The following SNX9 variants were observed in gnomAD, a reference collection of about 807,000 sequenced individuals.
SNX9 encodes the protein sorting nexin 9.
In SNX9, 44 loss-of-function variants were observed where a neutral mutation model predicts 89.4. The observed-to-expected ratio is 0.49, with a 90% CI of 0.39 to 0.63. The LOEUF is 0.63. Ranked by LOEUF, SNX9 falls within the 30% of genes least tolerant of loss-of-function variation. SNX9 has a pLI of 0.00. For missense variants in SNX9, 578 were observed against 736.1 expected (o/e 0.79, Z 2.49); for synonymous variants, 236 against 247.8 (o/e 0.95, Z 0.45).
intron 4 of SNX9, among the ~76,000 whole-genome samples, chr6:157,878,754 G>C (rs1178644231): frequency 6.6e-6 from 1 of 152,024 alleles, no homozygotes; most frequent in Non-Finnish European, 1.5e-5. Context: ...TGGCCATTAA[G>C]GATATAATTG....
At chr6:157,939,981 G>C (rs954757865) in intron 16 of SNX9, among the ~76,000 whole-genome samples, 1 of 152,026 alleles carries the variant, frequency 6.6e-6, no homozygotes, top group African/African-American at 2.4e-5. Flanking sequence ...GGGGGACAGA[G>C]AAAGAAGGAA....
chr6:157,871,548 G>T (rs1001672040), intron 2 of SNX9, among the ~76,000 whole-genome samples: 1 of 151,976 alleles, frequency 6.6e-6, no homozygotes, highest in East Asian at 1.9e-4. Context: ...GGAGGGGGGA[G>T]GGATAGCATT....
At chr6:157,884,217 C>T (rs1782686056) in intron 4 of SNX9, among the ~76,000 whole-genome samples, 1 of 152,128 alleles carries the variant, frequency 6.6e-6, no homozygotes, top group Non-Finnish European at 1.5e-5. Context: ...GGATATTAAA[C>T]AAATGCTTGA....
chr6:157,888,409 C>A (rs1026092861), intron 4 of SNX9, among the ~76,000 whole-genome samples: 1 of 152,072 alleles, frequency 6.6e-6, no homozygotes, highest in Non-Finnish European at 1.5e-5. Context: ...TGAAGATAAC[C>A]CATTGCTACA....
chr6:157,849,027 A>G (rs1037795648), intron 1 of SNX9, among the ~76,000 whole-genome samples: 78 of 152,184 alleles, frequency 5.1e-4, no homozygotes, highest in African/African-American at 1.8e-3. Flanking sequence ...CAGTAGGATC[A>G]CTTGAGCCCA....
chr6:157,885,773 C>T (rs1049435244), intron 4 of SNX9, among the ~76,000 whole-genome samples: 2 of 152,088 alleles, frequency 1.3e-5, no homozygotes, highest in Admixed American at 6.5e-5. Flanking sequence ...AGTTAGCCTG[C>T]GATTGGGAAC....
intron 1 of SNX9, among the ~76,000 whole-genome samples, chr6:157,859,365 C>G (rs1250991172): frequency 2.0e-5 from 3 of 152,168 alleles, no homozygotes; most frequent in Admixed American, 1.3e-4. Context: ...ATGCCCTGTT[C>G]CATAAGTTAC....
intron 1 of SNX9, among the ~76,000 whole-genome samples, chr6:157,828,187 T>TA (rs1383213786): frequency 6.8e-6 from 1 of 147,522 alleles, no homozygotes; most frequent in Non-Finnish European, 1.5e-5. Context: ...ATAACAGTAG[T>TA]ATTTTCTATG....
chr6:157,887,716 C>G (rs1308342672), intron 4 of SNX9, among the ~76,000 whole-genome samples: 11 of 152,192 alleles, frequency 7.2e-5, no homozygotes. Context: ...GTCCCTGTTA[C>G]TCCATCTTTG....
In SNX9 at chr6:157,909,962, C is replaced by T. The variant is rs1427985519; in HGVS notation, c.886C>T (p.Arg296Cys). The T allele has an allele frequency of 3.1e-6, 5 of 1,614,124 alleles. No individual in the cohort carries two copies. Among genetic ancestry groups the T allele is most frequent in the Admixed American group, 3.3e-5 (2 of 60,024 alleles). ...TAAGCACTTTGACTGGTTATATGAG[C>T]GTCTCCTGGTTAAGTTTGGGTCAGC... ...RYKHFDWLYE[R>C]LLVKFGSAIP... Residue 296 changes from arginine (R) to cysteine (C), a missense_variant, in exon 9 of 18, where the codon CGT (arginine) becomes TGT (cysteine). Transcript: ENST00000392185.
At chr6:157,897,134 G>A (rs767000206) in intron 5 of SNX9, 136 bp downstream of exon 5, 2 of 826,966 alleles carry the variant, frequency 2.4e-6, no homozygotes, top group Non-Finnish European at 3.6e-6. Context: ...TGGGAAGGGA[G>A]GATTGCCCCA....
At chr6:157,840,414 T>TC (rs1454134235) in intron 1 of SNX9, among the ~76,000 whole-genome samples, 1 of 134,798 alleles carries the variant, frequency 7.4e-6, no homozygotes, top group Admixed American at 6.9e-5. Flanking sequence ...ATACTTTCTT[T>TC]CTTTCTTTTC....
intron 1 of SNX9, among the ~76,000 whole-genome samples, chr6:157,851,169 A>G (rs1422208071): frequency 6.6e-6 from 1 of 151,940 alleles, no homozygotes; most frequent in East Asian, 1.9e-4. Flanking sequence ...GAGGCAGGAG[A>G]ATTGCCTGAA....
At chr6:157,904,060 A>G (rs1783160921) in intron 6 of SNX9, among the ~76,000 whole-genome samples, 1 of 152,244 alleles carries the variant, frequency 6.6e-6, no homozygotes, top group African/African-American at 2.4e-5. Context: ...TCCATTTTAT[A>G]TGACAGCTGT....
chr6:157,886,009 C>T (rs116285134), intron 4 of SNX9, among the ~76,000 whole-genome samples: 3,158 of 151,986 alleles, frequency 0.021, 51 homozygotes, highest in African/African-American at 0.033. Flanking sequence ...AGCCCTCCTT[C>T]GAGGCCTGAT....
Position 157,823,406 on chromosome 6 carries a change from G to A in SNX9, c.-29G>A, listed in dbSNP as rs1158846425. ...CATCCGCGGCGCGGGAGACGAGCCG[G>A]CCGTCCCGGGCCGGGGGACCCGCCC... On this transcript the variant is annotated 5_prime_UTR_variant, in exon 1 of 18. Coordinates refer to ENST00000392185, the MANE Select transcript of SNX9 (RefSeq NM_016224.5). The surrounding 1 kb of genome is among the most constrained non-coding windows in gnomAD (Gnocchi z 4.6). 3 of 1,258,618 alleles carry A rather than the reference G, an allele frequency of 2.4e-6. No homozygotes were observed. The African/African-American group carries it at 4.8e-5, about 20-fold the overall frequency. The allele number at this position is 1,258,618 out of a possible 1,614,324, so 78.0% of individuals were successfully genotyped here. A position where few individuals can be genotyped will look rare whatever the true frequency, so the allele number is the denominator to read the frequency against.
rs1203145702 is a variant in SNX9, at chr6:157,823,383, T to C, written c.-52T>C. 2.4e-6 allele frequency: 3 copies of C among 1,263,940 alleles called. No individual in the cohort carries two copies. Among genetic ancestry groups the C allele is most frequent in the South Asian group, 2.0e-5 (1 of 51,040 alleles). 78.3% of individuals were successfully genotyped at this position (1,263,940 alleles called of 1,614,324 possible). A position where few individuals can be genotyped will look rare whatever the true frequency, so the allele number is the denominator to read the frequency against. ...TTGCCTGCGCGGCTCAGAATCACCA[T>C]CCGCGGCGCGGGAGACGAGCCGGCC... On this transcript the variant is annotated 5_prime_UTR_variant, in exon 1 of 18. Coordinates refer to ENST00000392185, the MANE Select transcript of SNX9 (RefSeq NM_016224.5). This position sits in a 1 kb window ranked among gnomAD's most constrained non-coding sequence, Gnocchi z 4.6.
At chr6:157,899,892 A>AGTGTGTGTGT (rs112378365) in intron 5 of SNX9, among the ~76,000 whole-genome samples, 9,745 of 151,764 alleles carry the variant, frequency 0.064, 347 homozygotes, top group South Asian at 0.1. Flanking sequence ...TGATTACCTA[A>AGTGTGTGTGT]GTGTGTGTGT....
At chr6:157,928,748 A>G (rs1783747519) in intron 12 of SNX9, 46 bp downstream of exon 12, 2 of 1,434,034 alleles carry the variant, frequency 1.4e-6, no homozygotes. Flanking sequence ...GGGGTGATGC[A>G]GGCTCAGTTT....
Sources: gnomAD v4.1 joint callset for allele counts (sites outside exome capture counted in the v4.1 genomes callset) on GRCh38, gnomAD v4.1.1 for gene constraint, Gnocchi (gnomAD v3.1) non-coding constraint, MANE v1.5 for transcripts, NCBI Gene and HGNC (gene_info 2026-07-23, HGNC 2026-07-21) for gene names.